DNAJB5: variants seen among roughly 807,000 people sequenced by gnomAD.
DNAJB5 encodes dnaJ homolog subfamily B member 5.
DNAJB5 carries 12 observed loss-of-function variants against 32.6 expected under a neutral mutation model. The observed-to-expected ratio is 0.37, with a 90% CI of 0.24 to 0.60. The LOEUF (loss-of-function observed/expected upper bound fraction) is 0.60. Ranked by LOEUF, DNAJB5 falls within the 20% of genes least tolerant of loss-of-function variation. The pLI is 0.71. For synonymous variants in DNAJB5, 188 were observed against 212.9 expected (o/e 0.88, Z 1.02); for missense variants, 358 against 554.2 (o/e 0.65, Z 3.55).
chr9:34,997,804 G>T lies in DNAJB5; in HGVS notation c.*545G>T. 1 of 215,102 alleles carries T rather than the reference G, an allele frequency of 4.6e-6. No homozygotes were observed. The highest frequency in any genetic ancestry group is 9.5e-6 in the Non-Finnish European group (1 of 105,054). 13.3% of individuals were successfully genotyped at this position (215,102 alleles called of 1,614,324 possible). On this transcript the variant is annotated 3_prime_UTR_variant, in exon 5 of 5. Coordinates refer to ENST00000682809, the MANE Select transcript of DNAJB5 (RefSeq NM_001349723.3). The surrounding 1 kb of genome is among the most constrained non-coding windows in gnomAD (Gnocchi z 4.1). ...CTCTGGGAGAAAGGAGAGAGGATAAGAAGGGAAAGTTCACAACCTGTGAAC... is the reference window on the plus strand; with the variant it reads ...CTCTGGGAGAAAGGAGAGAGGATAATAAGGGAAAGTTCACAACCTGTGAAC...
In DNAJB5 at chr9:34,993,177, T is replaced by C. The variant is rs753178291; in HGVS notation, c.183-23T>C. On this transcript the variant is annotated intron_variant, in intron 2 of 4. Transcript: ENST00000682809. The surrounding 1 kb of genome is among the most constrained non-coding windows in gnomAD (Gnocchi z 4.7). Reference sequence around the variant, plus strand: ...CTGGGGCAGAAGAGAAGGCATCAAGTCTTGGCCCTGGGTTTCTTTCAGAAA... The same window carrying C: ...CTGGGGCAGAAGAGAAGGCATCAAGCCTTGGCCCTGGGTTTCTTTCAGAAA... 24 of 1,601,030 alleles carry C rather than the reference T, an allele frequency of 1.5e-5. No homozygotes were observed. The Middle Eastern group carries it at 6.7e-4, about 45-fold the overall frequency.
chr9:34,993,095 C>A lies in DNAJB5; in HGVS notation c.183-105C>A. On this transcript the variant is annotated intron_variant, in intron 2 of 4. Coordinates refer to ENST00000682809, the MANE Select transcript of DNAJB5 (RefSeq NM_001349723.3). The surrounding 1 kb of genome is among the most constrained non-coding windows in gnomAD (Gnocchi z 4.7). The stretch of plus-strand genomic sequence containing the variant: ...ACGCAGGCCCACAGAACAGGCATGA[C>A]CTGCTGAAGGTTACCCAGGGAGTCA... The A allele has an allele frequency of 1.4e-6, 2 of 1,468,494 alleles. No individual in the cohort carries two copies. Among genetic ancestry groups the A allele is most frequent in the South Asian group, 2.9e-5 (2 of 68,714 alleles). 91.0% of individuals were successfully genotyped at this position (1,468,494 alleles called of 1,614,324 possible).
rs1264766599 is a variant in DNAJB5 at position 34,990,298 on chromosome 9, G to A, written c.-132-201G>A. 1 of 1,418,476 alleles carries A rather than the reference G, an allele frequency of 7.0e-7. No individual in the cohort carries two copies. Among genetic ancestry groups the A allele is most frequent in the Non-Finnish European group, 9.3e-7 (1 of 1,073,702 alleles). The allele number at this position is 1,418,476 out of a possible 1,614,324, so 87.9% of individuals were successfully genotyped here. A position where few individuals can be genotyped will look rare whatever the true frequency, so the allele number is the denominator to read the frequency against. On this transcript the variant is annotated intron_variant, in intron 1 of 4. Transcript: ENST00000682809. This position sits in a 1 kb window ranked among gnomAD's most constrained non-coding sequence, Gnocchi z 4.5. ...GGGGTCGGGTCCTCCCCAGTGAGAG[G>A]CGACAGGAGCTCACTGCCTCTCGGG... is the stretch of plus-strand genomic sequence containing the variant.
intron 2 of DNAJB5, chr9:34,992,840 C>T (rs1450150063): frequency 9.3e-7 from 1 of 1,074,562 alleles, no homozygotes; most frequent in Non-Finnish European, 1.1e-6. Flanking sequence ...CCTTCGCCAG[C>T]TCCTGTGTGT....
intron 1 of DNAJB5, 131 bp downstream of exon 1, chr9:34,989,962 T>G: frequency 9.1e-7 from 1 of 1,099,446 alleles, no homozygotes; most frequent in Non-Finnish European, 1.2e-6. Context: ...GGCCCCGGGG[T>G]CTGCAGGGTG....
rs183721272 is a variant in DNAJB5, at chr9:34,990,238, C to T, written c.-132-261C>T. 4 of 1,328,754 alleles carry T rather than the reference C, an allele frequency of 3.0e-6. No individual in the cohort carries two copies. In the East Asian group the frequency reaches 1.5e-4, roughly 50 times the overall value. 82.3% of individuals were successfully genotyped at this position (1,328,754 alleles called of 1,614,324 possible). ...GCCCATCTGCGAGGGAGGAGACTCC[C>T]GTCAGTGACTTCATTGAGTAGGTTC... On this transcript the variant is annotated intron_variant, in intron 1 of 4. Coordinates refer to ENST00000682809, the MANE Select transcript of DNAJB5 (RefSeq NM_001349723.3). This position sits in a 1 kb window ranked among gnomAD's most constrained non-coding sequence, Gnocchi z 4.5.
chr9:34,996,585 T>G lies in DNAJB5; in HGVS notation c.748T>G (p.Ser250Ala). Residue 250 changes from serine (S) to alanine (A), a missense_variant, in exon 4 of 5, where the codon TCC (serine) becomes GCC (alanine). By Grantham distance (99) the Ser-to-Ala change is moderately conservative. Coordinates refer to ENST00000682809, the MANE Select transcript of DNAJB5 (RefSeq NM_001349723.3). The surrounding 1 kb of genome is among the most constrained non-coding windows in gnomAD (Gnocchi z 7.2). ...CCCAGTGGTGCACGAGCTGCGGGTG[T>G]CCCTGGAGGAGATCTACCATGGCTC... Reference protein sequence around the residue: ...DPPVVHELRVSLEEIYHGSTK... With the variant: ...DPPVVHELRVALEEIYHGSTK... 1 of 1,613,924 alleles carries G rather than the reference T, an allele frequency of 6.2e-7. No individual in the cohort carries two copies.
Position 34,991,764 on chromosome 9 carries a change from A to T in DNAJB5, c.182+952A>T, listed in dbSNP as rs549347992. The T allele has an allele frequency of 3.5e-5, 8 of 231,252 alleles. No homozygotes were observed. The East Asian group carries it at 1.1e-3, about 31-fold the overall frequency. 14.3% of individuals were successfully genotyped at this position (231,252 alleles called of 1,614,324 possible). A position where few individuals can be genotyped will look rare whatever the true frequency, so the allele number is the denominator to read the frequency against. Reference sequence around the variant, plus strand: ...CAGACGTGACATGCTGGTGGGGGGCAATGGGGGAGTACCCGCCTTTGTGGA... The same window carrying T: ...CAGACGTGACATGCTGGTGGGGGGCTATGGGGGAGTACCCGCCTTTGTGGA... On this transcript the variant is annotated intron_variant, in intron 2 of 4. Transcript: ENST00000682809.
rs1225359804 is a variant in DNAJB5 at position 34,989,810 on chromosome 9, C to T, written c.-154C>T. 8.1e-7 allele frequency: 1 copy of T among 1,232,254 alleles called. No individual in the cohort carries two copies. Among genetic ancestry groups the T allele is most frequent in the Non-Finnish European group, 1.0e-6 (1 of 988,200 alleles). 76.3% of individuals were successfully genotyped at this position (1,232,254 alleles called of 1,614,324 possible). A position where few individuals can be genotyped will look rare whatever the true frequency, so the allele number is the denominator to read the frequency against. Reference sequence around the variant, plus strand: ...GCAGCGGCTGTCTCACGGACCACGGCGGCGCCCGCAGCTCCTCACCGGTGA... The same window carrying T: ...GCAGCGGCTGTCTCACGGACCACGGTGGCGCCCGCAGCTCCTCACCGGTGA... On this transcript the variant is annotated 5_prime_UTR_variant, in exon 1 of 5. Coordinates refer to ENST00000682809, the MANE Select transcript of DNAJB5 (RefSeq NM_001349723.3).
At position 34,991,442 on chromosome 9, in the gene DNAJB5, G is replaced by T. The variant is rs912605674; in HGVS notation, c.182+630G>T. ...GTGGGTACCAGGGAGGAAGCTGGCC[G>T]GGTGTGGAGGTAATGCAGGGACACC... On this transcript the variant is annotated intron_variant, in intron 2 of 4. Coordinates refer to ENST00000682809, the MANE Select transcript of DNAJB5 (RefSeq NM_001349723.3). The T allele has an allele frequency of 6.6e-6, 3 of 455,586 alleles. No homozygotes were observed. In the Admixed American group the frequency reaches 7.0e-5, roughly 11 times the overall value. 28.2% of individuals were successfully genotyped at this position (455,586 alleles called of 1,614,324 possible).
chr9:34,990,509 T>C lies in DNAJB5; in HGVS notation c.-122T>C, dbSNP rs1476178601. The C allele has an allele frequency of 1.3e-6, 2 of 1,540,580 alleles. No individual in the cohort carries two copies. Among genetic ancestry groups the C allele is most frequent in the Non-Finnish European group, 1.7e-6 (2 of 1,146,642 alleles). Reference sequence around the variant, plus strand: ...ACATTTGGGGATCAGGTCCGGCACCTGCTGCGCCAGACAGGCCTTGCTGGG... The same window carrying C: ...ACATTTGGGGATCAGGTCCGGCACCCGCTGCGCCAGACAGGCCTTGCTGGG... On this transcript the variant is annotated 5_prime_UTR_variant, in exon 2 of 5. Transcript: ENST00000682809. This position sits in a 1 kb window ranked among gnomAD's most constrained non-coding sequence, Gnocchi z 4.5.
chr9:34,993,232 T>C lies in DNAJB5; in HGVS notation c.215T>C (p.Val72Ala). 2 of 1,613,384 alleles carry C rather than the reference T, an allele frequency of 1.2e-6. No homozygotes were observed. Among genetic ancestry groups the C allele is most frequent in the Non-Finnish European group, 1.7e-6 (2 of 1,179,756 alleles). The stretch of plus-strand genomic sequence containing the variant: ...GAGACCAGTGCTGGTCCAGTGGCTG[T>C]GATGGGAAAAGATTATTACAAGATT... ...NKETSAGPVA[V>A]MGKDYYKILG... The change falls in exon 3 of 5, where the codon GTG becomes GCG. Residue 72 changes from valine (V) to alanine (A), a missense_variant. Transcript: ENST00000682809. This position sits in a 1 kb window ranked among gnomAD's most constrained non-coding sequence, Gnocchi z 4.7.
At position 34,996,399 on chromosome 9, in the gene DNAJB5, C is replaced by T. The variant is rs767050639; in HGVS notation, c.562C>T (p.Arg188Cys). The T allele has an allele frequency of 8.1e-6, 13 of 1,614,036 alleles. No homozygotes were observed. The highest frequency in any genetic ancestry group is 1.7e-5 in the Admixed American group (1 of 60,004). ...NPFDIFFASS[R>C]STRPFSGFDP... ...CTTCGATATCTTCTTTGCCAGCAGC[C>T]GCTCCACTCGGCCCTTCAGTGGCTT... Residue 188 changes from arginine (R) to cysteine (C), a missense_variant, in exon 4 of 5, where the codon CGC becomes TGC. Physicochemically the swap from Arg to Cys is radical, Grantham distance 180 (BLOSUM62 -3). Around this residue, in one of 2 missense-constraint regions of DNAJB5, gnomAD observed 248 missense variants for 442.6 expected, o/e 0.56. Coordinates refer to ENST00000682809, the MANE Select transcript of DNAJB5 (RefSeq NM_001349723.3). The surrounding 1 kb of genome is among the most constrained non-coding windows in gnomAD (Gnocchi z 7.2).
Position 34,990,302 on chromosome 9 carries a change from C to A in DNAJB5, c.-132-197C>A. ...TCGGGTCCTCCCCAGTGAGAGGCGA[C>A]AGGAGCTCACTGCCTCTCGGGCCCT... On this transcript the variant is annotated intron_variant, in intron 1 of 4. Coordinates refer to ENST00000682809, the MANE Select transcript of DNAJB5 (RefSeq NM_001349723.3). The surrounding 1 kb of genome is among the most constrained non-coding windows in gnomAD (Gnocchi z 4.5). The A allele has an allele frequency of 7.0e-7, 1 of 1,425,956 alleles. No individual in the cohort carries two copies. The allele number at this position is 1,425,956 out of a possible 1,614,324, so 88.3% of individuals were successfully genotyped here. A position where few individuals can be genotyped will look rare whatever the true frequency, so the allele number is the denominator to read the frequency against.
chr9:34,996,120 TACTC>T lies in DNAJB5; in HGVS notation c.428-144_428-141del, dbSNP rs1316030533. On this transcript the variant is annotated intron_variant, in intron 3 of 4. Transcript: ENST00000682809. The surrounding 1 kb of genome is among the most constrained non-coding windows in gnomAD (Gnocchi z 7.2). ...AGATAATCTTGCCAGAAGCCTTTCT[TACTC>T]TATTAGCCTGGCCCTCTCTGTGGGA... 1.9e-6 allele frequency: 2 copies of T among 1,050,516 alleles called. No individual in the cohort carries two copies. Among genetic ancestry groups the T allele is most frequent in the Non-Finnish European group, 2.7e-6 (2 of 747,232 alleles). The allele number at this position is 1,050,516 out of a possible 1,614,324, so 65.1% of individuals were successfully genotyped here. A position where few individuals can be genotyped will look rare whatever the true frequency, so the allele number is the denominator to read the frequency against.
Position 34,998,367 on chromosome 9 carries a change from T to C in DNAJB5, c.*1108T>C, listed in dbSNP as rs1280931245. On this transcript the variant is annotated 3_prime_UTR_variant, in exon 5 of 5. Transcript: ENST00000682809. Reference sequence around the variant, plus strand: ...TGACAACCCCCGAATGTTTTTATAGTAGTTTTTTTGTATTTTTTTGTAATG... The same window carrying C: ...TGACAACCCCCGAATGTTTTTATAGCAGTTTTTTTGTATTTTTTTGTAATG... 1 of 152,614 alleles carries C rather than the reference T, an allele frequency of 6.6e-6. No homozygotes were observed. The highest frequency in any genetic ancestry group is 2.4e-5 in the African/African-American group (1 of 41,428). The allele number at this position is 152,614 out of a possible 1,614,324, so 9.5% of individuals were successfully genotyped here.
rs1383919692 is a variant in DNAJB5, at chr9:34,996,560, C to T, written c.723C>T (p.Pro241=). The T allele has an allele frequency of 1.9e-6, 3 of 1,614,138 alleles. No homozygotes were observed. The highest frequency in any genetic ancestry group is 2.5e-6 in the Non-Finnish European group (3 of 1,180,044). ...ACCCTCGGCGCAAGGTGCAGGACCC[C>T]CCAGTGGTGCACGAGCTGCGGGTGT... is the stretch of plus-strand genomic sequence containing the variant. ...PLYPRRKVQD[P]PVVHELRVSL... The change falls in exon 4 of 5, where the codon CCC becomes CCT. Residue 241 remains proline, a synonymous_variant. Coordinates refer to ENST00000682809, the MANE Select transcript of DNAJB5 (RefSeq NM_001349723.3). The surrounding 1 kb of genome is among the most constrained non-coding windows in gnomAD (Gnocchi z 7.2).
In DNAJB5 at chr9:34,990,894, T is replaced by C; in HGVS notation, c.182+82T>C. The C allele has an allele frequency of 7.2e-7, 1 of 1,391,366 alleles. No individual in the cohort carries two copies. Among genetic ancestry groups the C allele is most frequent in the Non-Finnish European group, 9.7e-7 (1 of 1,034,748 alleles). The allele number at this position is 1,391,366 out of a possible 1,614,324, so 86.2% of individuals were successfully genotyped here. A position where few individuals can be genotyped will look rare whatever the true frequency, so the allele number is the denominator to read the frequency against. On this transcript the variant is annotated intron_variant, in intron 2 of 4. Coordinates refer to ENST00000682809, the MANE Select transcript of DNAJB5 (RefSeq NM_001349723.3). This position sits in a 1 kb window ranked among gnomAD's most constrained non-coding sequence, Gnocchi z 4.5. ...GCCATCCCCTCCATTGCCTTCCTGC[T>C]TCCTCCAACTCATCCTCATCCCCTC... is the stretch of plus-strand genomic sequence containing the variant.
In DNAJB5 at chr9:34,998,259, G is replaced by A. The variant is rs755406694; in HGVS notation, c.*1000G>A. 2.6e-5 allele frequency: 4 copies of A among 152,604 alleles called. No individual in the cohort carries two copies. Among genetic ancestry groups the A allele is most frequent in the Non-Finnish European group, 5.9e-5 (4 of 68,038 alleles). 9.5% of individuals were successfully genotyped at this position (152,604 alleles called of 1,614,324 possible). On this transcript the variant is annotated 3_prime_UTR_variant, in exon 5 of 5. Coordinates refer to ENST00000682809, the MANE Select transcript of DNAJB5 (RefSeq NM_001349723.3). ...TGTGTGATCCCACCCCACCCCCATA[G>A]TTGTATAAAGGTCATAGTGAAGAAG... is the stretch of plus-strand genomic sequence containing the variant.
Sources: allele counts gnomAD v4.1 joint callset, GRCh38; gene constraint gnomAD v4.1.1; regional missense constraint gnomAD v4.1.1; non-coding constraint Gnocchi (gnomAD v3.1); transcripts MANE v1.5; gene names NCBI Gene and HGNC (gene_info 2026-07-23, HGNC 2026-07-21).